Variants in BRIP1 observed in about 807,000 individuals in gnomAD.
BRIP1 encodes Fanconi anemia group J protein.
A neutral mutation model predicts 119.7 loss-of-function variants in BRIP1; 88 were observed. That is an observed-to-expected ratio of 0.74 (90% CI 0.62 to 0.88). The LOEUF (loss-of-function observed/expected upper bound fraction) is 0.88. Ranked by LOEUF, BRIP1 falls within the 40% of genes least tolerant of loss-of-function variation. The pLI is 0.00. For missense variants in BRIP1, 1,259 were observed against 1,455.4 expected (o/e 0.87, Z 2.20); for synonymous variants, 443 against 496.5 (o/e 0.89, Z 1.43).
chr17:61,835,387 A>G lies in BRIP1; in HGVS notation c.627+11714T>C, dbSNP rs118050562. On this transcript the variant is annotated intron_variant, in intron 6 of 19. Coordinates refer to ENST00000259008, the MANE Select transcript of BRIP1 (RefSeq NM_032043.3). ...ATACTGGTTTGGGGAAAGAACTGTA[A>G]TAAGTTTAAATATTTATAGAATTAT... is the stretch of plus-strand genomic sequence containing the variant. Among the ~76,000 whole-genome samples, 55 of 152,248 alleles carry G rather than the reference A, an allele frequency of 3.6e-4. 1 individual carries two copies. The East Asian group carries it at 0.01, about 29-fold the overall frequency.
chr17:61,775,950 C>T lies in BRIP1; in HGVS notation c.2097+451G>A, dbSNP rs1324411197. On this transcript the variant is annotated intron_variant, in intron 14 of 19. Transcript: ENST00000259008. This position sits in a 1 kb window ranked among gnomAD's most constrained non-coding sequence, Gnocchi z 4.4. ...CCACGCTGGAGTGCAGGGGTGCAATCATAGCTCACTGTAACCTCAACCTCC... is the reference window on the plus strand; with the variant it reads ...CCACGCTGGAGTGCAGGGGTGCAATTATAGCTCACTGTAACCTCAACCTCC... The T allele has an allele frequency of 1.0e-5, 2 of 199,390 alleles. No homozygotes were observed. Among genetic ancestry groups the T allele is most frequent in the Non-Finnish European group, 2.1e-5 (2 of 96,438 alleles). The allele number at this position is 199,390 out of a possible 1,614,324, so 12.4% of individuals were successfully genotyped here.
chr17:61,791,030 C>A (rs1000977790), intron 10 of BRIP1, among the ~76,000 whole-genome samples: 159 of 152,212 alleles, frequency 1.0e-3, no homozygotes, highest in African/African-American at 3.6e-3. Context: ...AGATACCACG[C>A]TGCATTTTAT....
At chr17:61,727,217 T>C (rs557755359) in intron 16 of BRIP1, among the ~76,000 whole-genome samples, 1 of 152,220 alleles carries the variant, frequency 6.6e-6, no homozygotes, top group Non-Finnish European at 1.5e-5. Flanking sequence ...ACTCAGGGAA[T>C]TATATAAAGG....
rs972673977 is a variant in BRIP1 at position 61,736,204 on chromosome 17, T to C, written c.2379+6809A>G. 2.7e-5 allele frequency among the ~76,000 whole-genome samples: 4 copies of C among 150,768 alleles called. No homozygotes were observed. The highest frequency in any genetic ancestry group is 5.9e-5 in the Non-Finnish European group (4 of 67,848). The stretch of plus-strand genomic sequence containing the variant: ...TTAGCCAGGTGTGGTGGCACATGCC[T>C]ACAGTCCTAGCTACCCAGGAGACTG... On this transcript the variant is annotated intron_variant, in intron 16 of 19. Coordinates refer to ENST00000259008, the MANE Select transcript of BRIP1 (RefSeq NM_032043.3). The surrounding 1 kb of genome is among the most constrained non-coding windows in gnomAD (Gnocchi z 4.4).
rs908926692 is a variant in BRIP1, at chr17:61,690,849, C to G, written c.2575+2581G>C. On this transcript the variant is annotated intron_variant, in intron 18 of 19. Coordinates refer to ENST00000259008, the MANE Select transcript of BRIP1 (RefSeq NM_032043.3). The surrounding 1 kb of genome is among the most constrained non-coding windows in gnomAD (Gnocchi z 5.6). ...ATAAATCCAGTAAAGTTGCAGAATA[C>G]AAAAATCAATGTACAACAATCACTT... Among the ~76,000 whole-genome samples the G allele has an allele frequency of 1.3e-5, 2 of 151,790 alleles. No homozygotes were observed. The highest frequency in any genetic ancestry group is 4.8e-5 in the African/African-American group (2 of 41,310).
Position 61,834,355 on chromosome 17 carries a change from G to C in BRIP1, c.627+12746C>G, listed in dbSNP as rs2078539060. Among the ~76,000 whole-genome samples, 1 of 152,012 alleles carries C rather than the reference G, an allele frequency of 6.6e-6. No homozygotes were observed. Reference sequence around the variant, plus strand: ...AGGGGTTGAGCTCTGTACAACACCTGATTGCAGGAGTGAGCCACCACGCTC... The same window carrying C: ...AGGGGTTGAGCTCTGTACAACACCTCATTGCAGGAGTGAGCCACCACGCTC... On this transcript the variant is annotated intron_variant, in intron 6 of 19. Coordinates refer to ENST00000259008, the MANE Select transcript of BRIP1 (RefSeq NM_032043.3). This position sits in a 1 kb window ranked among gnomAD's most constrained non-coding sequence, Gnocchi z 4.4.
intron 17 of BRIP1, among the ~76,000 whole-genome samples, chr17:61,698,864 GC>G (rs2061567977): frequency 6.6e-6 from 1 of 151,876 alleles, no homozygotes; most frequent in South Asian, 2.1e-4. Flanking sequence ...ATAGGCACAT[GC>G]CACTACACCT....
intron 17 of BRIP1, among the ~76,000 whole-genome samples, chr17:61,697,168 AC>A (rs929492177): frequency 3.4e-5 from 5 of 148,582 alleles, no homozygotes; most frequent in Non-Finnish European, 6.0e-5. Context: ...ACATAGTGAA[AC>A]CCCGTCTCTT....
At position 61,723,701 on chromosome 17, in the gene BRIP1, T is replaced by C. The variant is rs17612238; in HGVS notation, c.2380-7638A>G. 0.015 allele frequency among the ~76,000 whole-genome samples: 2,301 copies of C among 152,256 alleles called. 30 individuals are homozygous for C. Among genetic ancestry groups the C allele is most frequent in the Middle Eastern group, 0.027 (8 of 294 alleles). On this transcript the variant is annotated intron_variant, in intron 16 of 19. Coordinates refer to ENST00000259008, the MANE Select transcript of BRIP1 (RefSeq NM_032043.3). Reference sequence around the variant, plus strand: ...TACATTTTACAAGCCTTTCCCAAAATAGAAAGCTATACTTAATTGTACTTT... The same window carrying C: ...TACATTTTACAAGCCTTTCCCAAAACAGAAAGCTATACTTAATTGTACTTT...
intron 17 of BRIP1, among the ~76,000 whole-genome samples, chr17:61,694,209 A>G (rs1430931567): frequency 1.3e-5 from 2 of 152,128 alleles, no homozygotes; most frequent in African/African-American, 4.8e-5. Context: ...CACCACCCCA[A>G]AAAGAAACCC....
intron 6 of BRIP1, among the ~76,000 whole-genome samples, chr17:61,820,946 T>C (rs1240356541): frequency 1.6e-5 from 2 of 121,792 alleles, no homozygotes; most frequent in Non-Finnish European, 3.2e-5. Flanking sequence ...CGAGACTCTG[T>C]CTTAAAAAAA....
chr17:61,855,230 T>A (rs1374018152), intron 4 of BRIP1, among the ~76,000 whole-genome samples: 1 of 152,172 alleles, frequency 6.6e-6, no homozygotes, highest in African/African-American at 2.4e-5. Context: ...GTATGTTCAC[T>A]GTCTTGATTC....
At position 61,856,744 on chromosome 17, in the gene BRIP1, A is replaced by G. The variant is rs1189674697; in HGVS notation, c.379+314T>C. On this transcript the variant is annotated intron_variant, in intron 4 of 19. Transcript: ENST00000259008. This position sits in a 1 kb window ranked among gnomAD's most constrained non-coding sequence, Gnocchi z 5.1. ...TCTTAGGATACAAACATTGTTTTAT[A>G]GAATTCTAACATATAATTAACAATA... Among the ~76,000 whole-genome samples, 2 of 152,234 alleles carry G rather than the reference A, an allele frequency of 1.3e-5. No individual in the cohort carries two copies. Among genetic ancestry groups the G allele is most frequent in the Non-Finnish European group, 2.9e-5 (2 of 68,028 alleles).
At chr17:61,811,392 G>C (rs2078159628) in intron 6 of BRIP1, among the ~76,000 whole-genome samples, 1 of 151,388 alleles carries the variant, frequency 6.6e-6, no homozygotes, top group Non-Finnish European at 1.5e-5. Flanking sequence ...CCTGGCTAAT[G>C]TTGTGTTTTT....
In BRIP1 at chr17:61,704,852, TTC is replaced by T. The variant is rs1180264369; in HGVS notation, c.2492+11097_2492+11098del. Among the ~76,000 whole-genome samples, 1 of 152,186 alleles carries T rather than the reference TTC, an allele frequency of 6.6e-6. No homozygotes were observed. ...TATTCCTGATATTAGTAACTGTGGC[TTC>T]TCTTTTTTTTCTTTGTTAATTTTGC... is the stretch of plus-strand genomic sequence containing the variant. On this transcript the variant is annotated intron_variant, in intron 17 of 19. Transcript: ENST00000259008. This position sits in a 1 kb window ranked among gnomAD's most constrained non-coding sequence, Gnocchi z 5.7.
rs2077408539 is a variant in BRIP1 at position 61,768,906 on chromosome 17, C to A, written c.2097+7495G>T. On this transcript the variant is annotated intron_variant, in intron 14 of 19. Coordinates refer to ENST00000259008, the MANE Select transcript of BRIP1 (RefSeq NM_032043.3). The surrounding 1 kb of genome is among the most constrained non-coding windows in gnomAD (Gnocchi z 5.0). ...AAAAGTCCTTAAAAGATACAATGCA[C>A]CCCTACAGAAGAGACACCTTTGTTG... 6.6e-6 allele frequency among the ~76,000 whole-genome samples: 1 copy of A among 151,950 alleles called. No homozygotes were observed. The highest frequency in any genetic ancestry group is 1.5e-5 in the Non-Finnish European group (1 of 67,988).
chr17:61,707,972 G>C (rs1423775296), intron 17 of BRIP1, among the ~76,000 whole-genome samples: 1 of 151,844 alleles, frequency 6.6e-6, no homozygotes, highest in East Asian at 1.9e-4. Flanking sequence ...TCAGCCTCCT[G>C]AGTAGCTGGG....
rs552202480 is a variant in BRIP1, at chr17:61,753,570, G to C, written c.2098-8979C>G. On this transcript the variant is annotated intron_variant, in intron 14 of 19. Transcript: ENST00000259008. The surrounding 1 kb of genome is among the most constrained non-coding windows in gnomAD (Gnocchi z 4.6). ...TAGTGGGAGAGTACAGATTTAAAAG[G>C]GGGGACCAGCAAGAAAATCTTATTT... 2.0e-5 allele frequency among the ~76,000 whole-genome samples: 3 copies of C among 151,622 alleles called. No homozygotes were observed. The highest frequency in any genetic ancestry group is 7.3e-5 in the African/African-American group (3 of 41,304).
Position 61,845,106 on chromosome 17 carries a change from T to A in BRIP1, c.627+1995A>T, listed in dbSNP as rs1421705795. On this transcript the variant is annotated intron_variant, in intron 6 of 19. Transcript: ENST00000259008. The surrounding 1 kb of genome is among the most constrained non-coding windows in gnomAD (Gnocchi z 4.2). Reference sequence around the variant, plus strand: ...AGCCCATGAAGGAAAGGAAAGAAAATGAATGAGAAAACACTGTGGCAGAGC... The same window carrying A: ...AGCCCATGAAGGAAAGGAAAGAAAAAGAATGAGAAAACACTGTGGCAGAGC... Among the ~76,000 whole-genome samples, 6 of 151,938 alleles carry A rather than the reference T, an allele frequency of 3.9e-5. No individual in the cohort carries two copies. Among genetic ancestry groups the A allele is most frequent in the Admixed American group, 3.9e-4 (6 of 15,268 alleles).
Sources: allele counts gnomAD v4.1 joint callset (sites outside exome capture counted in the v4.1 genomes callset), GRCh38; gene constraint gnomAD v4.1.1; non-coding constraint Gnocchi (gnomAD v3.1); transcripts MANE v1.5; gene names NCBI Gene and HGNC (gene_info 2026-07-23, HGNC 2026-07-21).